Variants in RHOBTB3 observed in about 807,000 individuals in gnomAD.
The protein encoded by RHOBTB3 is rho-related BTB domain-containing protein 3.
A neutral mutation model predicts 67.2 loss-of-function variants in RHOBTB3; 47 were observed. That is an observed-to-expected ratio of 0.70 (90% CI 0.55 to 0.89). The LOEUF (loss-of-function observed/expected upper bound fraction) is 0.89, where lower values mean the gene tolerates loss of function less well. Among genes scored for constraint, RHOBTB3 ranks in the 40% least tolerant of loss-of-function variants. The pLI, the probability that RHOBTB3 is intolerant of heterozygous loss-of-function variation, is 0.00. For synonymous variants in RHOBTB3, 273 were observed against 274.2 expected, an observed-to-expected ratio of 1.00 and a Z score of 0.04; for missense variants, 631 against 750.0, an observed-to-expected ratio of 0.84 and a Z score of 1.85.
In RHOBTB3 at chr5:95,752,311, TC is replaced by T. The variant is rs1461510961; in HGVS notation, c.645del (p.His217MetfsTer17). On this transcript the variant is annotated frameshift_variant, in exon 5 of 12. Transcript: ENST00000379982. LOFTEE classifies it high-confidence loss of function. ...EKMKKRKMSN[S>X]FHGIRPPQLE... The stretch of plus-strand genomic sequence containing the variant: ...AATGAAGAAAAGAAAAATGAGCAAC[TC>T]CTTTCATGGAATTAGACCACCTCAA... 1 of 1,608,300 alleles carries T rather than the reference TC, an allele frequency of 6.2e-7. No homozygotes were observed. Among genetic ancestry groups the T allele is most frequent in the East Asian group, 2.2e-5 (1 of 44,638 alleles).
At chr5:95,769,853 C>T (rs535341998) in intron 8 of RHOBTB3, 20 of 292,098 alleles carry the variant, frequency 6.8e-5, no homozygotes, top group African/African-American at 4.5e-4. Context: ...CTTTGGTTGT[C>T]ATTGCTGAAG....
chr5:95,727,754 G>C (rs893716516), upstream of RHOBTB3, among the ~76,000 whole-genome samples: 2 of 152,188 alleles, frequency 1.3e-5, no homozygotes, highest in African/African-American at 4.8e-5. Context: ...ATTATGAAAA[G>C]ATCTTTAGGA....
intron 1 of RHOBTB3, among the ~76,000 whole-genome samples, chr5:95,724,332 T>A (rs976047075): frequency 1.3e-5 from 2 of 152,262 alleles, no homozygotes; most frequent in African/African-American, 4.8e-5. Flanking sequence ...ATGTTACTCA[T>A]CTGTTTCTGA....
At chr5:95,788,892 T>A in intron 11 of RHOBTB3, 34 bp downstream of exon 11, 1 of 1,263,610 alleles carries the variant, frequency 7.9e-7, no homozygotes, top group Non-Finnish European at 1.1e-6. Context: ...AAAAGAAAAC[T>A]TTATGTTCTT....
At chr5:95,724,801 T>G (rs2112752520) in intron 1 of RHOBTB3, among the ~76,000 whole-genome samples, 1 of 152,306 alleles carries the variant, frequency 6.6e-6, no homozygotes, top group South Asian at 2.1e-4. Context: ...TAATAGAACC[T>G]ACTCCATAGG....
intron 3 of RHOBTB3, among the ~76,000 whole-genome samples, chr5:95,745,834 A>G (rs1358438869): frequency 6.6e-6 from 1 of 152,084 alleles, no homozygotes. Context: ...TTTAATTTAG[A>G]ATCGGTTCTA....
intron 1 of RHOBTB3, among the ~76,000 whole-genome samples, chr5:95,723,714 C>T (rs761824055): frequency 2.0e-5 from 3 of 152,300 alleles, no homozygotes; most frequent in Admixed American, 1.3e-4. Context: ...TTTTCCCTAT[C>T]TCTCCTTTAC....
chr5:95,766,461 A>G (rs968242822), intron 7 of RHOBTB3, among the ~76,000 whole-genome samples: 1 of 152,130 alleles, frequency 6.6e-6, no homozygotes, highest in Non-Finnish European at 1.5e-5. Context: ...AGGGAACAAC[A>G]TAGACTTTAG....
At chr5:95,743,705 TC>T (rs1379600384) in intron 3 of RHOBTB3, among the ~76,000 whole-genome samples, 12 of 78,770 alleles carry the variant, frequency 1.5e-4, no homozygotes, top group African/African-American at 5.3e-4. Flanking sequence ...CTTCTTCTCC[TC>T]CCCCCCATTT....
At chr5:95,735,048 G>A (rs562607351) in intron 2 of RHOBTB3, among the ~76,000 whole-genome samples, 1 of 152,084 alleles carries the variant, frequency 6.6e-6, no homozygotes, top group African/African-American at 2.4e-5. Context: ...TTATACTTAC[G>A]CACTCTGTTA....
At chr5:95,721,560 C>A in intron 1 of RHOBTB3, among the ~76,000 whole-genome samples, 1 of 151,804 alleles carries the variant, frequency 6.6e-6, no homozygotes, top group East Asian at 1.9e-4. Flanking sequence ...GTAATGATTA[C>A]ACAAATGCAT....
intron 1 of RHOBTB3, among the ~76,000 whole-genome samples, chr5:95,724,470 A>G (rs796788766): frequency 2.7e-4 from 41 of 152,350 alleles, no homozygotes; most frequent in African/African-American, 9.1e-4. Context: ...TGTAGGTTAC[A>G]TGCATTGTTT....
intron 10 of RHOBTB3, among the ~76,000 whole-genome samples, chr5:95,788,143 C>T (rs1388275479): frequency 6.6e-6 from 1 of 152,222 alleles, no homozygotes; most frequent in Non-Finnish European, 1.5e-5. Flanking sequence ...GGATGGGCAC[C>T]AAGGTGATGA....
upstream of RHOBTB3, chr5:95,731,223 C>T (rs1027969299): frequency 1.7e-5 from 17 of 1,002,784 alleles, no homozygotes; most frequent in Admixed American, 6.0e-5. Context: ...TCCCCCGCAT[C>T]CGCCCGACCC....
chr5:95,759,249 G>T (rs1012802493), intron 6 of RHOBTB3, among the ~76,000 whole-genome samples: 54 of 152,250 alleles, frequency 3.5e-4, no homozygotes, highest in African/African-American at 1.1e-3. Context: ...GCCAAAGCCG[G>T]AGGTGCTGTC....
chr5:95,767,744 G>T, intron 7 of RHOBTB3: 1 of 686,558 alleles, frequency 1.5e-6, no homozygotes, highest in East Asian at 2.7e-5. Flanking sequence ...ACTGTTGTCT[G>T]TTTCTCAACA....
intron 8 of RHOBTB3, among the ~76,000 whole-genome samples, chr5:95,774,899 A>T (rs375075730): frequency 3.5e-3 from 531 of 152,278 alleles, no homozygotes; most frequent in Non-Finnish European, 4.2e-3. Context: ...TATTACATAT[A>T]TATATATATG....
chr5:95,739,230 C>T (rs1024173048), intron 3 of RHOBTB3, among the ~76,000 whole-genome samples: 20 of 152,222 alleles, frequency 1.3e-4, no homozygotes, highest in South Asian at 4.1e-4. Flanking sequence ...AGCCCGATTC[C>T]GCATATCCAG....
chr5:95,778,307 T>C (rs1387733159), intron 8 of RHOBTB3, among the ~76,000 whole-genome samples: 5 of 152,150 alleles, frequency 3.3e-5, no homozygotes, highest in Non-Finnish European at 5.9e-5. Flanking sequence ...CCTAATACAA[T>C]GTAAATGTTA....
Sources: gnomAD v4.1 joint callset for allele counts (sites outside exome capture counted in the v4.1 genomes callset) on GRCh38, gnomAD v4.1.1 for gene constraint, MANE v1.5 for transcripts, NCBI Gene and HGNC (gene_info 2026-07-23, HGNC 2026-07-21) for gene names.